Variants in ACBD6 observed in about 807,000 individuals in gnomAD.
ACBD6 encodes the protein acyl-CoA-binding domain-containing protein 6.
ACBD6 carries 28 observed loss-of-function variants against 37.2 expected under a neutral mutation model. That is an observed-to-expected ratio of 0.75 (90% CI 0.56 to 1.03). The LOEUF (loss-of-function observed/expected upper bound fraction) is 1.03. Ranked by LOEUF, ACBD6 falls within the 50% of genes least tolerant of loss-of-function variation. ACBD6 has a pLI of 0.00. For synonymous variants in ACBD6, 113 were observed against 126.8 expected (o/e 0.89, Z 0.73); for missense variants, 340 against 337.4 (o/e 1.01, Z -0.06).
chr1:180,279,333 G>A (rs1436862456), intron 9 of ACBD6, among the ~76,000 whole-genome samples: 4 of 152,172 alleles, frequency 2.6e-5, no homozygotes, highest in Middle Eastern at 3.2e-3. Flanking sequence ...GTCTTGCGCT[G>A]TTGCCCAGGC....
At chr1:180,485,931 T>C (rs1224437372) in intron 3 of ACBD6, among the ~76,000 whole-genome samples, 1 of 151,032 alleles carries the variant, frequency 6.6e-6, no homozygotes, top group Non-Finnish European at 1.5e-5. Flanking sequence ...ATCTTGAAGG[T>C]ACTCCCAGTA....
chr1:180,430,382 C>G, intron 3 of ACBD6, 120 bp from the exon 4 acceptor site: 4 of 828,092 alleles, frequency 4.8e-6, no homozygotes, highest in Non-Finnish European at 6.0e-6. Flanking sequence ...TCAACCATCT[C>G]TTCAAACCCT....
chr1:180,417,162 T>C (rs1648132021), intron 4 of ACBD6, among the ~76,000 whole-genome samples: 2 of 152,204 alleles, frequency 1.3e-5, no homozygotes, highest in South Asian at 2.1e-4. Context: ...TATGCAGGTA[T>C]AGATCATTTT....
chr1:180,277,483 G>T (rs1020308361), intron 9 of ACBD6: 8 of 152,174 alleles, frequency 5.3e-5, no homozygotes, highest in African/African-American at 1.7e-4. Flanking sequence ...TTGAATCCAG[G>T]AGCAAATTAG....
intron 3 of ACBD6, among the ~76,000 whole-genome samples, chr1:180,439,592 A>C (rs1326822621): frequency 6.6e-6 from 1 of 151,842 alleles, no homozygotes; most frequent in Non-Finnish European, 1.5e-5. Flanking sequence ...TCCGTCTCAA[A>C]AAAAAAAAAA....
chr1:180,445,207 TG>T, intron 3 of ACBD6, among the ~76,000 whole-genome samples: 1 of 152,286 alleles, frequency 6.6e-6, no homozygotes, highest in East Asian at 1.9e-4. Flanking sequence ...GCCCAAAACA[TG>T]GCCATTTCTC....
intron 3 of ACBD6, among the ~76,000 whole-genome samples, chr1:180,467,448 C>CAAAA (rs57941230): frequency 2.5e-4 from 18 of 72,536 alleles, no homozygotes; most frequent in Non-Finnish European, 2.7e-4. Context: ...TCCATCTCTG[C>CAAAA]AAAAAAAAAA....
chr1:180,358,838 A>G (rs1207148276), intron 6 of ACBD6, among the ~76,000 whole-genome samples: 1 of 152,222 alleles, frequency 6.6e-6, no homozygotes, highest in African/African-American at 2.4e-5. Context: ...CAGCTGTCGG[A>G]TATCAGAGCA....
chr1:180,277,963 T>TAAGA (rs1222723024), intron 9 of ACBD6: 1 of 152,024 alleles, frequency 6.6e-6, no homozygotes, highest in Non-Finnish European at 1.5e-5. Flanking sequence ...CAAGGAAGTG[T>TAAGA]AAGAAATCTG....
chr1:180,455,985 C>T lies in ACBD6; in HGVS notation c.385-25723G>A, dbSNP rs190105979. Among the ~76,000 whole-genome samples the T allele has an allele frequency of 3.5e-4, 53 of 152,072 alleles. No homozygotes were observed. In the East Asian group the frequency reaches 7.5e-3, roughly 22 times the overall value. ...GTAAAAAAGGTGAGGCCAAGGCGGG[C>T]GGATCACCTGAGGTCAGGAGTTCGA... is the stretch of plus-strand genomic sequence containing the variant. On this transcript the variant is annotated intron_variant, in intron 3 of 7. Coordinates refer to ENST00000367595, the MANE Select transcript of ACBD6 (RefSeq NM_032360.4).
intron 3 of ACBD6, among the ~76,000 whole-genome samples, chr1:180,462,669 C>T (rs1226747412): frequency 6.6e-6 from 1 of 152,164 alleles, no homozygotes; most frequent in Non-Finnish European, 1.5e-5. Flanking sequence ...TTAGATAGAT[C>T]ACTGAGATGA....
At chr1:180,351,580 ACG>A (rs1288520163) in intron 6 of ACBD6, among the ~76,000 whole-genome samples, 1,188 of 107,718 alleles carry the variant, frequency 0.011, 11 homozygotes, top group African/African-American at 0.035. Context: ...GCCCGATATT[ACG>A]TTTTTTTTTT....
intron 6 of ACBD6, among the ~76,000 whole-genome samples, chr1:180,379,943 C>T (rs1383641454): frequency 6.6e-6 from 1 of 152,188 alleles, no homozygotes; most frequent in Non-Finnish European, 1.5e-5. Flanking sequence ...GTTTTCTCCA[C>T]ACCACATTAT....
intron 7 of ACBD6, among the ~76,000 whole-genome samples, chr1:180,311,082 G>A (rs1050503502): frequency 1.3e-5 from 2 of 152,178 alleles, no homozygotes; most frequent in African/African-American, 4.8e-5. Context: ...ACAGAGGGCA[G>A]GTTTGTTTAC....
intron 6 of ACBD6, among the ~76,000 whole-genome samples, chr1:180,387,898 G>A (rs1336126250): frequency 6.6e-6 from 1 of 151,870 alleles, no homozygotes; most frequent in African/African-American, 2.4e-5. Flanking sequence ...CAGAGAAGCC[G>A]GGCACGGTGG....
chr1:180,371,795 G>GA (rs1269492627), intron 6 of ACBD6, among the ~76,000 whole-genome samples: 1 of 152,030 alleles, frequency 6.6e-6, no homozygotes, highest in Non-Finnish European at 1.5e-5. Context: ...TGAAGTTTAT[G>GA]GAAGACTAAT....
At chr1:180,328,088 T>A (rs2149298639) in intron 6 of ACBD6, among the ~76,000 whole-genome samples, 1 of 152,320 alleles carries the variant, frequency 6.6e-6, no homozygotes, top group Non-Finnish European at 1.5e-5. Flanking sequence ...ATCATTTATT[T>A]TATCTCTTTA....
chr1:180,398,355 AC>A (rs1193242812), intron 5 of ACBD6, among the ~76,000 whole-genome samples: 1 of 152,220 alleles, frequency 6.6e-6, no homozygotes, highest in Non-Finnish European at 1.5e-5. Flanking sequence ...AAGCACTTAA[AC>A]CTAGGTAGAA....
chr1:180,303,581 C>A (rs1409306376), intron 7 of ACBD6, among the ~76,000 whole-genome samples: 2 of 150,702 alleles, frequency 1.3e-5, no homozygotes, highest in African/African-American at 4.8e-5. Flanking sequence ...CTGAAGAGAT[C>A]AATAATAGGA....
Sources: gnomAD v4.1 joint callset for allele counts (sites outside exome capture counted in the v4.1 genomes callset) on GRCh38, gnomAD v4.1.1 for gene constraint, MANE v1.5 for transcripts, NCBI Gene and HGNC (gene_info 2026-07-23, HGNC 2026-07-21) for gene names.